Variants in ZSWIM3 observed in about 807,000 individuals in gnomAD.
ZSWIM3 encodes zinc finger SWIM domain-containing protein 3.
ZSWIM3 carries 27 observed loss-of-function variants against 47.5 expected under a neutral mutation model. That is an observed-to-expected ratio of 0.57 (90% CI 0.42 to 0.78). The LOEUF is 0.78. Ranked by LOEUF, ZSWIM3 falls within the 30% of genes least tolerant of loss-of-function variation. ZSWIM3 has a pLI of 0.00. For missense variants in ZSWIM3, 689 were observed against 861.3 expected (o/e 0.80, Z 2.50); for synonymous variants, 333 against 333.9 (o/e 1.00, Z 0.03).
chr20:45,870,397 C>T (rs1168580853), intron 1 of ZSWIM3, among the ~76,000 whole-genome samples: 2 of 151,900 alleles, frequency 1.3e-5, no homozygotes, highest in African/African-American at 2.4e-5. Flanking sequence ...TTCTTTGTCC[C>T]GAATTGGGCC....
chr20:45,875,028 A>G (rs944731845), intron 1 of ZSWIM3, among the ~76,000 whole-genome samples: 2 of 129,640 alleles, frequency 1.5e-5, no homozygotes, highest in African/African-American at 5.6e-5. Flanking sequence ...GGGGGTTTTA[A>G]TTTTAACTTT....
rs1282488167 is a variant in ZSWIM3 at position 45,878,395 on chromosome 20, C to G, written c.1837C>G (p.Gln613Glu). 2.5e-6 allele frequency: 4 copies of G among 1,614,104 alleles called. No individual in the cohort carries two copies. The highest frequency in any genetic ancestry group is 3.4e-6 in the Non-Finnish European group (4 of 1,180,054). The part of the protein sequence containing the change: ...MVPNTGQPEK[Q>E]GRNDMIQDLS... ...CCCAAACACAGGCCAGCCTGAGAAG[C>G]AAGGACGGAACGACATGATTCAGGA... The change falls in exon 2 of 2, where the codon CAA (glutamine) becomes GAA (glutamate). Residue 613 changes from glutamine (Q) to glutamate (E), a missense_variant. By Grantham distance (29) the Gln-to-Glu change is conservative. Transcript: ENST00000255152.
At chr20:45,876,114 C>G (rs1986085733) in intron 1 of ZSWIM3, among the ~76,000 whole-genome samples, 1 of 151,866 alleles carries the variant, frequency 6.6e-6, no homozygotes, top group Non-Finnish European at 1.5e-5. Flanking sequence ...GCGATCTCAG[C>G]TCACTGCAGC....
chr20:45,872,274 G>T (rs1985992911), intron 1 of ZSWIM3, among the ~76,000 whole-genome samples: 1 of 152,232 alleles, frequency 6.6e-6, no homozygotes, highest in Admixed American at 6.5e-5. Context: ...ATTGGATGTA[G>T]GTGAGAAAGA....
chr20:45,859,707 C>T (rs1347302373), intron 1 of ZSWIM3, among the ~76,000 whole-genome samples: 1 of 145,258 alleles, frequency 6.9e-6, no homozygotes, highest in Non-Finnish European at 1.5e-5. Flanking sequence ...AAGTCATTTG[C>T]AGTCTAAGGG....
rs186666690 is a variant in ZSWIM3 at position 45,877,506 on chromosome 20, G to T, written c.948G>T (p.Lys316Asn). 5 of 1,614,206 alleles carry T rather than the reference G, an allele frequency of 3.1e-6. No individual in the cohort carries two copies. The highest frequency in any genetic ancestry group is 4.5e-5 in the East Asian group (2 of 44,892). Residue 316 changes from lysine to asparagine, a missense_variant, in exon 2 of 2, where the codon AAG becomes AAT. Lys to Asn is a moderately conservative substitution (Grantham distance 94). Coordinates refer to ENST00000255152, the MANE Select transcript of ZSWIM3 (RefSeq NM_080752.4). ...ACCACACAACCCGACTCTTGGAGAA[G>T]AAGTTGCATCGTAGTTCAGCAAATC... Reference protein sequence around the residue: ...SIYHTTRLLEKKLHRSSANPS... With the variant: ...SIYHTTRLLENKLHRSSANPS...
At chr20:45,869,993 G>A (rs6032569) in intron 1 of ZSWIM3, among the ~76,000 whole-genome samples, 5,200 of 140,806 alleles carry the variant, frequency 0.037, 317 homozygotes, top group African/African-American at 0.13. Flanking sequence ...ACAGTGAGTC[G>A]AGATCTTGCC....
At chr20:45,875,656 C>T (rs111622628) in intron 1 of ZSWIM3, among the ~76,000 whole-genome samples, 1,714 of 148,844 alleles carry the variant, frequency 0.012, 21 homozygotes, top group South Asian at 0.023. Flanking sequence ...TGCCTGCCAC[C>T]ATGCCTGGCT....
At position 45,877,756 on chromosome 20, in the gene ZSWIM3, A is replaced by G; in HGVS notation, c.1198A>G (p.Ser400Gly). ...TYMDSLDIVT[S>G]KVSSLFREQQ... is the part of the protein sequence containing the mutation. ...CATGGACAGCCTAGACATTGTCACC[A>G]GCAAGGTGTCAAGCCTCTTTCGGGA... The change falls in exon 2 of 2, where the codon AGC becomes GGC. Residue 400 changes from serine (S) to glycine (G), a missense_variant. Ser to Gly is a moderately conservative substitution (Grantham distance 56, BLOSUM62 0). Transcript: ENST00000255152. 6.2e-7 allele frequency: 1 copy of G among 1,614,108 alleles called. No homozygotes were observed. Among genetic ancestry groups the G allele is most frequent in the Non-Finnish European group, 8.5e-7 (1 of 1,179,962 alleles).
Position 45,878,718 on chromosome 20 carries a change from G to A in ZSWIM3, c.*69G>A, listed in dbSNP as rs1986172880. The A allele has an allele frequency of 3.7e-5, 57 of 1,529,716 alleles. No individual in the cohort carries two copies. In the South Asian group the frequency reaches 6.9e-4, roughly 18 times the overall value. The allele number at this position is 1,529,716 out of a possible 1,614,324, so 94.8% of individuals were successfully genotyped here. A position where few individuals can be genotyped will look rare whatever the true frequency, so the allele number is the denominator to read the frequency against. On this transcript the variant is annotated 3_prime_UTR_variant, in exon 2 of 2. Transcript: ENST00000255152. Reference sequence around the variant, plus strand: ...AAGTGTGAGAGTTTAAAGTGGGCAGGACATACTAGGGTTTAGCATTTTAGC... The same window carrying A: ...AAGTGTGAGAGTTTAAAGTGGGCAGAACATACTAGGGTTTAGCATTTTAGC...
chr20:45,870,149 C>T (rs901030498), intron 1 of ZSWIM3, among the ~76,000 whole-genome samples: 2 of 151,828 alleles, frequency 1.3e-5, no homozygotes, highest in African/African-American at 4.8e-5. Flanking sequence ...TGAGACCAGC[C>T]TGACCAACAT....
chr20:45,857,717 A>C lies in ZSWIM3; in HGVS notation c.-109A>C. 1 of 1,392,414 alleles carries C rather than the reference A, an allele frequency of 7.2e-7. No individual in the cohort carries two copies. The highest frequency in any genetic ancestry group is 9.8e-7 in the Non-Finnish European group (1 of 1,018,344). 86.3% of individuals were successfully genotyped at this position (1,392,414 alleles called of 1,614,324 possible). A position where few individuals can be genotyped will look rare whatever the true frequency, so the allele number is the denominator to read the frequency against. ...CCCAGTTGGGGCGGACCCTTAAGGC[A>C]TTCTGGGCCCACGCCTGCCTATAAA... On this transcript the variant is annotated 5_prime_UTR_variant, in exon 1 of 2. Transcript: ENST00000255152.
chr20:45,872,554 AG>A, intron 1 of ZSWIM3: 1 of 439,122 alleles, frequency 2.3e-6, no homozygotes. Context: ...CTGAAGGATG[AG>A]CAAGGCTTGC....
chr20:45,857,663 G>T lies in ZSWIM3; in HGVS notation c.-163G>T. On this transcript the variant is annotated 5_prime_UTR_variant, in exon 1 of 2. Coordinates refer to ENST00000255152, the MANE Select transcript of ZSWIM3 (RefSeq NM_080752.4). The stretch of plus-strand genomic sequence containing the variant: ...CCTCTTGTAACCCGGTCAGGCCTAG[G>T]GTTCCTCCCTGAGTTCCAGAATAGG... 2.4e-6 allele frequency: 2 copies of T among 834,474 alleles called. No homozygotes were observed. The highest frequency in any genetic ancestry group is 3.8e-6 in the Non-Finnish European group (2 of 521,972). The allele number at this position is 834,474 out of a possible 1,614,324, so 51.7% of individuals were successfully genotyped here. A position where few individuals can be genotyped will look rare whatever the true frequency, so the allele number is the denominator to read the frequency against.
chr20:45,877,342 G>C lies in ZSWIM3; in HGVS notation c.784G>C (p.Val262Leu), dbSNP rs1259916984. The change falls in exon 2 of 2, where the codon GTG becomes CTG. Residue 262 changes from valine (V) to leucine (L), a missense_variant. By Grantham distance (32) the Val-to-Leu change is conservative. Coordinates refer to ENST00000255152, the MANE Select transcript of ZSWIM3 (RefSeq NM_080752.4). Reference sequence around the variant, plus strand: ...GCTCAAGGCGGAGACAGTCACCTCTGTGGCCAAGATGCTGAGCATCTTCAC... The same window carrying C: ...GCTCAAGGCGGAGACAGTCACCTCTCTGGCCAAGATGCTGAGCATCTTCAC... The part of the protein sequence containing the change: ...AVLKAETVTS[V>L]AKMLSIFTEF... The C allele has an allele frequency of 3.1e-6, 5 of 1,614,066 alleles. No individual in the cohort carries two copies. The highest frequency in any genetic ancestry group is 1.3e-5 in the African/African-American group (1 of 74,920).
At chr20:45,858,362 G>GTTCA (rs749955087) in intron 1 of ZSWIM3, among the ~76,000 whole-genome samples, 12 of 152,296 alleles carry the variant, frequency 7.9e-5, no homozygotes, top group Middle Eastern at 6.8e-3. Context: ...TGGAATGTTC[G>GTTCA]TTCATTCATT....
intron 1 of ZSWIM3, among the ~76,000 whole-genome samples, chr20:45,864,985 A>G (rs1381449732): frequency 5.9e-5 from 9 of 152,172 alleles, no homozygotes; most frequent in Admixed American, 5.9e-4. Flanking sequence ...CCTGGCTAAC[A>G]CGGAGAAACC....
At chr20:45,876,636 G>A in intron 1 of ZSWIM3, 78 bp from the exon 2 acceptor site, 1 of 1,523,632 alleles carries the variant, frequency 6.6e-7, no homozygotes, top group South Asian at 1.3e-5. Flanking sequence ...ACTGTACCCA[G>A]CCCCCTTCAG....
intron 1 of ZSWIM3, among the ~76,000 whole-genome samples, chr20:45,859,098 G>A (rs943242511): frequency 2.6e-5 from 4 of 152,140 alleles, no homozygotes; most frequent in African/African-American, 9.7e-5. Context: ...AGTGTTGCCA[G>A]AATTTTGGGC....
Sources: gnomAD v4.1 joint callset for allele counts (sites outside exome capture counted in the v4.1 genomes callset) on GRCh38, gnomAD v4.1.1 for gene constraint, MANE v1.5 for transcripts, NCBI Gene and HGNC (gene_info 2026-07-23, HGNC 2026-07-21) for gene names.